REV3L: variants seen among roughly 807,000 people sequenced by gnomAD.
REV3L encodes DNA polymerase zeta catalytic subunit.
Under a neutral mutation model 299.4 loss-of-function variants are expected in REV3L, and 69 were observed. The observed-to-expected ratio is 0.23, with a 90% CI of 0.19 to 0.28. The LOEUF is 0.28. Among genes scored for constraint, REV3L ranks in the 10% least tolerant of loss-of-function variants. The probability of loss-of-function intolerance (pLI) is 1.00; values close to 1 mark genes in which losing one functional copy is unlikely to be tolerated. For missense variants in REV3L, 3,128 were observed against 3,693.8 expected (o/e 0.85, Z 3.97); for synonymous variants, 1,238 against 1,271.4 (o/e 0.97, Z 0.56).
At chr6:111,354,302 T>C (rs1056547555) in intron 18 of REV3L, 3 of 152,218 alleles carry the variant, frequency 2.0e-5, no homozygotes, top group African/African-American at 7.2e-5. Context: ...ATTTGTTCTG[T>C]TGTGGCAACT....
intron 1 of REV3L, among the ~76,000 whole-genome samples, chr6:111,465,032 T>C (rs1448292741): frequency 6.6e-6 from 1 of 151,186 alleles, no homozygotes; most frequent in Non-Finnish European, 1.5e-5. Flanking sequence ...AAACGGTCTA[T>C]GCTGCAAAAG....
Position 111,329,678 on chromosome 6 carries a change from T to C in REV3L, c.8095A>G (p.Met2699Val). The change falls in exon 25 of 32, where the codon ATG becomes GTG. Residue 2699 changes from methionine (M) to valine (V), a missense_variant. Physicochemically the swap from Met to Val is conservative, Grantham distance 21. Coordinates refer to ENST00000368802, the MANE Select transcript of REV3L (RefSeq NM_001372078.1). ...MLEEILKTRF[M>V]VKQSMKAYKQ... ...TAAGCCTTCATTGACTGCTTCACCA[T>C]AAATCTAGTCTTCAAAATTTCTTCA... 1 of 1,614,038 alleles carries C rather than the reference T, an allele frequency of 6.2e-7. No homozygotes were observed. The highest frequency in any genetic ancestry group is 1.1e-5 in the South Asian group (1 of 91,086).
chr6:111,374,684 G>A lies in REV3L; in HGVS notation c.3671C>T (p.Thr1224Ile), dbSNP rs462779. 1,240,252 of 1,612,660 alleles carry A rather than the reference G, an allele frequency of 0.77. 486,868 individuals are homozygous for A. The highest frequency in any genetic ancestry group is 0.82 in the Non-Finnish European group (962,372 of 1,179,428). Residue 1224 changes from threonine to isoleucine, a missense_variant, in exon 13 of 32, where the codon ACA becomes ATA. Around this residue, in one of 9 missense-constraint regions of REV3L, gnomAD observed 2,409 missense variants for 2,611.8 expected, o/e 0.92. Coordinates refer to ENST00000368802, the MANE Select transcript of REV3L (RefSeq NM_001372078.1). ...TNEKGTSRKHTTLKDEKIKSQ... is the reference protein window; with the variant it reads ...TNEKGTSRKHITLKDEKIKSQ... Reference sequence around the variant, plus strand: ...TTTTATTTTTTCATCCTTAAGTGTTGTATGCTTTCTCGATGTACCTTTCTC... The same window carrying A: ...TTTTATTTTTTCATCCTTAAGTGTTATATGCTTTCTCGATGTACCTTTCTC...
intron 21 of REV3L, 85 bp downstream of exon 21, chr6:111,343,840 A>G (rs1467440943): frequency 1.0e-6 from 1 of 984,894 alleles, no homozygotes. Flanking sequence ...TGAACAATAC[A>G]CTTTAAATGT....
intron 1 of REV3L, among the ~76,000 whole-genome samples, chr6:111,428,504 T>C (rs1262798951): frequency 4.0e-5 from 6 of 151,898 alleles, no homozygotes; most frequent in Non-Finnish European, 7.4e-5. Flanking sequence ...AGAAATTTAT[T>C]AGAGAAATTT....
chr6:111,446,506 C>A (rs544862038), intron 1 of REV3L, among the ~76,000 whole-genome samples: 40 of 152,150 alleles, frequency 2.6e-4, no homozygotes, highest in Middle Eastern at 3.4e-3. Flanking sequence ...GAGTTCGAGA[C>A]CAACCTGACC....
chr6:111,469,149 G>A (rs1371067025), intron 1 of REV3L, among the ~76,000 whole-genome samples: 1 of 152,122 alleles, frequency 6.6e-6, no homozygotes, highest in Non-Finnish European at 1.5e-5. Flanking sequence ...GCAACAGAGC[G>A]AGACTGTTTC....
Position 111,376,645 on chromosome 6 carries a change from T to C in REV3L, c.1710A>G (p.Ser570=), listed in dbSNP as rs149180041. 1.9e-5 allele frequency: 30 copies of C among 1,612,834 alleles called. No individual in the cohort carries two copies. The African/African-American group carries it at 3.9e-4, about 21-fold the overall frequency. ...FHKDAATLEP[S]SSAKITFQCK... ...ACTGAAAGGTAATCTTAGCAGAAGA[T>C]GAGGGTTCTAATGTAGCAGCATCTT... The change falls in exon 13 of 32, where the codon TCA becomes TCG. Residue 570 remains serine (S), a synonymous_variant. Transcript: ENST00000368802.
chr6:111,338,176 G>T (rs144093403), intron 21 of REV3L, among the ~76,000 whole-genome samples: 1 of 152,048 alleles, frequency 6.6e-6, no homozygotes, highest in Non-Finnish European at 1.5e-5. Flanking sequence ...GACTGGGCAC[G>T]AATATTTCCT....
At chr6:111,300,212 A>G in intron 31 of REV3L, 56 bp from the exon 32 acceptor site, 1 of 1,423,510 alleles carries the variant, frequency 7.0e-7, no homozygotes, top group Non-Finnish European at 9.5e-7. Context: ...GCGTGTATGC[A>G]AACAACAAAT....
At chr6:111,314,151 T>A (rs562189684) in intron 27 of REV3L, among the ~76,000 whole-genome samples, 3 of 152,248 alleles carry the variant, frequency 2.0e-5, no homozygotes, top group Non-Finnish European at 4.4e-5. Context: ...GTTCCTAGGC[T>A]AAGTATCTTT....
Position 111,368,028 on chromosome 6 carries a change from C to T in REV3L, c.5760G>A (p.Arg1920=), listed in dbSNP as rs1240608539. ...SNPSDVPEKP[R]EIGGRLLMVE... ...CCATGAGGAGCCGTCCACCAATCTC[C>T]CTATAATAACATATTTTAGAACAAC... Residue 1920 remains arginine, a splice_region_variant and synonymous_variant, in exon 14 of 32, where the codon AGG becomes AGA. Coordinates refer to ENST00000368802, the MANE Select transcript of REV3L (RefSeq NM_001372078.1). 4 of 1,577,796 alleles carry T rather than the reference C, an allele frequency of 2.5e-6. No individual in the cohort carries two copies. The Admixed American group carries it at 7.7e-5, about 30-fold the overall frequency.
At chr6:111,343,887 G>T in intron 21 of REV3L, 38 bp downstream of exon 21, 2 of 1,302,278 alleles carry the variant, frequency 1.5e-6, no homozygotes, top group South Asian at 1.3e-5. Flanking sequence ...TCTCAATGAT[G>T]ATTTTATATT....
In REV3L at chr6:111,309,798, A is replaced by C; in HGVS notation, c.9042+55T>G. 6 of 1,563,202 alleles carry C rather than the reference A, an allele frequency of 3.8e-6. No individual in the cohort carries two copies. The South Asian group carries it at 6.1e-5, about 16-fold the overall frequency. On this transcript the variant is annotated intron_variant, in intron 30 of 31. Coordinates refer to ENST00000368802, the MANE Select transcript of REV3L (RefSeq NM_001372078.1). The stretch of plus-strand genomic sequence containing the variant: ...CATAAAACCTTTAGTTCTACTGAAA[A>C]TTTGGAGTGAAATCTCTCCATAGTT...
chr6:111,393,277 A>G (rs1430958046), intron 4 of REV3L, among the ~76,000 whole-genome samples: 1 of 152,176 alleles, frequency 6.6e-6, no homozygotes, highest in African/African-American at 2.4e-5. Flanking sequence ...TCGGCCTCCC[A>G]AAGTGCTGGG....
At chr6:111,442,268 G>T (rs1181500590) in intron 1 of REV3L, among the ~76,000 whole-genome samples, 2 of 152,210 alleles carry the variant, frequency 1.3e-5, no homozygotes, top group Non-Finnish European at 2.9e-5. Context: ...GTCTCCAACT[G>T]TAACACTGGC....
At chr6:111,475,537 T>C (rs1792839858) in intron 1 of REV3L, among the ~76,000 whole-genome samples, 4 of 152,212 alleles carry the variant, frequency 2.6e-5, no homozygotes, top group Non-Finnish European at 5.9e-5. Context: ...TACATAACCT[T>C]TGCTCATTTG....
chr6:111,408,640 AACAAAACAAAAAC>A (rs1295642074), intron 3 of REV3L, among the ~76,000 whole-genome samples: 1 of 151,126 alleles, frequency 6.6e-6, no homozygotes, highest in African/African-American at 2.4e-5. Flanking sequence ...AACAAAACAA[AACAAAACAAAAAC>A]AACATTATTG....
At chr6:111,414,889 C>CT (rs949102250) in intron 2 of REV3L, among the ~76,000 whole-genome samples, 31 of 152,212 alleles carry the variant, frequency 2.0e-4, no homozygotes, top group African/African-American at 7.2e-4. Flanking sequence ...TCAAGCCACA[C>CT]TATTTTCTTT....
Sources: gnomAD v4.1 joint callset for allele counts (sites outside exome capture counted in the v4.1 genomes callset) on GRCh38, gnomAD v4.1.1 for gene constraint, gnomAD v4.1.1 regional missense constraint, MANE v1.5 for transcripts, NCBI Gene and HGNC (gene_info 2026-07-23, HGNC 2026-07-21) for gene names.